ULK4: variants seen among roughly 807,000 people sequenced by gnomAD.
ULK4 encodes the protein unc-51 like kinase 4.
ULK4 carries 133 observed loss-of-function variants against 160.6 expected under a neutral mutation model. The observed-to-expected ratio is 0.83, with a 90% CI of 0.72 to 0.96. The LOEUF (loss-of-function observed/expected upper bound fraction) is 0.96. Ranked by LOEUF, ULK4 falls within the 40% of genes least tolerant of loss-of-function variation. The pLI is 0.00. For missense variants in ULK4, 1,580 were observed against 1,499.5 expected (o/e 1.05, Z -0.89); for synonymous variants, 534 against 539.8 (o/e 0.99, Z 0.15).
At chr3:41,818,098 A>G (rs1320321620) in intron 19 of ULK4, among the ~76,000 whole-genome samples, 2 of 148,694 alleles carry the variant, frequency 1.3e-5, no homozygotes, top group African/African-American at 5.1e-5. Context: ...TATAGAAAAC[A>G]GTAAGGAGTT....
intron 21 of ULK4, among the ~76,000 whole-genome samples, chr3:41,785,423 G>C (rs1320275267): frequency 6.6e-6 from 1 of 152,134 alleles, no homozygotes; most frequent in African/African-American, 2.4e-5. Context: ...AATTATGTCT[G>C]GGTAGTGAGA....
At chr3:41,889,595 C>T (rs1326284203) in intron 16 of ULK4, among the ~76,000 whole-genome samples, 1 of 152,124 alleles carries the variant, frequency 6.6e-6, no homozygotes, top group East Asian at 1.9e-4. Context: ...ACTTACTAAG[C>T]TTAGTACCTG....
chr3:41,408,312 C>T (rs974439959), intron 34 of ULK4, among the ~76,000 whole-genome samples: 132 of 150,500 alleles, frequency 8.8e-4, no homozygotes, highest in African/African-American at 3.1e-3. Context: ...CCTGTAGTCC[C>T]AGCTACTGGG....
rs1186018793 is a variant in ULK4 at position 41,408,608 on chromosome 3, T to G, written c.3493-10344A>C. ...TCTTGTTTGGCAGAAATTGGTAAGT[T>G]GATCCTAAAATTCATATGGAAATGC... On this transcript the variant is annotated intron_variant, in intron 34 of 36. Transcript: ENST00000301831. Among the ~76,000 whole-genome samples, 3 of 152,080 alleles carry G rather than the reference T, an allele frequency of 2.0e-5. No homozygotes were observed. The East Asian group carries it at 5.8e-4, about 29-fold the overall frequency.
intron 32 of ULK4, among the ~76,000 whole-genome samples, chr3:41,520,019 T>C (rs1161697602): frequency 1.3e-5 from 2 of 152,186 alleles, no homozygotes; most frequent in Non-Finnish European, 2.9e-5. Context: ...ACGTGTGTCA[T>C]TTTCAGCTGG....
intron 33 of ULK4, among the ~76,000 whole-genome samples, chr3:41,458,134 G>A (rs2083597628): frequency 6.6e-6 from 1 of 152,106 alleles, no homozygotes; most frequent in Non-Finnish European, 1.5e-5. Flanking sequence ...TGGTCTATGG[G>A]GCATTCTAGA....
chr3:41,510,437 C>G (rs1241861449), intron 32 of ULK4, among the ~76,000 whole-genome samples: 1 of 152,028 alleles, frequency 6.6e-6, no homozygotes, highest in Non-Finnish European at 1.5e-5. Flanking sequence ...GACAGAAAGT[C>G]AACAAAGAAA....
chr3:41,402,352 T>C (rs990476621), intron 34 of ULK4, among the ~76,000 whole-genome samples: 3 of 152,148 alleles, frequency 2.0e-5, no homozygotes, highest in African/African-American at 7.2e-5. Flanking sequence ...TTTATTTCTT[T>C]CCATACCCTA....
At chr3:41,520,665 C>T (rs1473477935) in intron 32 of ULK4, among the ~76,000 whole-genome samples, 3 of 152,178 alleles carry the variant, frequency 2.0e-5, no homozygotes, top group Admixed American at 6.5e-5. Context: ...AACCATTTTA[C>T]ATTTCTACCA....
At chr3:41,926,968 C>A (rs1012369635) in intron 5 of ULK4, among the ~76,000 whole-genome samples, 1 of 152,056 alleles carries the variant, frequency 6.6e-6, no homozygotes, top group African/African-American at 2.4e-5. Context: ...GCAAGACAGG[C>A]CAACATTCAA....
At chr3:41,305,838 T>G (rs1433917946) in intron 35 of ULK4, among the ~76,000 whole-genome samples, 1 of 132,384 alleles carries the variant, frequency 7.6e-6, no homozygotes, top group Non-Finnish European at 1.6e-5. Flanking sequence ...CGGCCGCCCA[T>G]AGTCTGAGAT....
intron 30 of ULK4, among the ~76,000 whole-genome samples, chr3:41,659,538 T>C (rs2035071274): frequency 6.6e-6 from 1 of 152,214 alleles, no homozygotes; most frequent in Non-Finnish European, 1.5e-5. Context: ...AATAACTCAT[T>C]TCAACTGCCA....
chr3:41,622,421 T>C (rs2033291638), intron 30 of ULK4, among the ~76,000 whole-genome samples: 1 of 152,024 alleles, frequency 6.6e-6, no homozygotes, highest in Non-Finnish European at 1.5e-5. Context: ...TATGCAGCCA[T>C]GAAAAGTAGG....
chr3:41,418,594 T>C (rs1449758273), intron 34 of ULK4, among the ~76,000 whole-genome samples: 1 of 152,220 alleles, frequency 6.6e-6, no homozygotes, highest in African/African-American at 2.4e-5. Flanking sequence ...AGAACTCCCA[T>C]GCCATGTAAA....
At chr3:41,896,317 C>A (rs755028003) in intron 15 of ULK4, among the ~76,000 whole-genome samples, 1 of 152,048 alleles carries the variant, frequency 6.6e-6, no homozygotes, top group South Asian at 2.1e-4. Flanking sequence ...TGCTGTGGTG[C>A]GATCTCAGCT....
chr3:41,623,520 G>C (rs1475858455), intron 30 of ULK4, among the ~76,000 whole-genome samples: 1 of 152,144 alleles, frequency 6.6e-6, no homozygotes, highest in African/African-American at 2.4e-5. Context: ...GTACACAATG[G>C]AATACTCATC....
At position 41,745,431 on chromosome 3, in the gene ULK4, A is replaced by C. The variant is rs796931703; in HGVS notation, c.2321+8930T>G. Among the ~76,000 whole-genome samples the C allele has an allele frequency of 8.6e-4, 130 of 151,860 alleles. 3 individuals carry two copies. The highest frequency in any genetic ancestry group is 3.1e-3 in the African/African-American group (128 of 41,328). ...AAATTGACCATTCCTCAAAAACCAT[A>C]AACTACCAAAACTTGACCTAGTAAA... is the stretch of plus-strand genomic sequence containing the variant. On this transcript the variant is annotated intron_variant, in intron 22 of 36. Transcript: ENST00000301831.
intron 19 of ULK4, among the ~76,000 whole-genome samples, chr3:41,803,412 G>A (rs1287475549): frequency 6.6e-6 from 1 of 152,104 alleles, no homozygotes; most frequent in African/African-American, 2.4e-5. Flanking sequence ...AAACCTAAAT[G>A]TAAAAGTTAG....
At chr3:41,844,658 G>T (rs2042019743) in intron 17 of ULK4, among the ~76,000 whole-genome samples, 1 of 152,190 alleles carries the variant, frequency 6.6e-6, no homozygotes, top group Non-Finnish European at 1.5e-5. Flanking sequence ...CCGCCAAAGT[G>T]GGAGCCCAGG....
Sources: gnomAD v4.1 joint callset for allele counts (sites outside exome capture counted in the v4.1 genomes callset) on GRCh38, gnomAD v4.1.1 for gene constraint, MANE v1.5 for transcripts, NCBI Gene and HGNC (gene_info 2026-07-23, HGNC 2026-07-21) for gene names.